The following PRIMPOL variants were observed in gnomAD, a reference collection of about 807,000 sequenced individuals.
PRIMPOL encodes DNA-directed primase/polymerase protein.
In PRIMPOL, 54 loss-of-function variants were observed where a neutral mutation model predicts 63.6. The observed-to-expected ratio is 0.85, with a 90% CI of 0.68 to 1.07. PRIMPOL has a LOEUF of 1.07. Ranked by LOEUF, PRIMPOL falls within the 50% of genes least tolerant of loss-of-function variation. The probability of loss-of-function intolerance (pLI) is 0.00; values close to 1 mark genes in which losing one functional copy is unlikely to be tolerated. For missense variants in PRIMPOL, 610 were observed against 648.3 expected (o/e 0.94, Z 0.64); for synonymous variants, 197 against 220.2 (o/e 0.89, Z 0.93).
chr4:184,679,206 C>G (rs1169646878), intron 8 of PRIMPOL, among the ~76,000 whole-genome samples: 1 of 152,082 alleles, frequency 6.6e-6, no homozygotes, highest in Non-Finnish European at 1.5e-5. Context: ...ACTTCTAATG[C>G]CTATGTAAAT....
chr4:184,694,756 A>C lies in PRIMPOL; in HGVS notation c.1660A>C (p.Ile554Leu), dbSNP rs777253761. The C allele has an allele frequency of 6.2e-7, 1 of 1,611,670 alleles. No homozygotes were observed. The highest frequency in any genetic ancestry group is 1.1e-5 in the South Asian group (1 of 91,040). The change falls in exon 14 of 14, where the codon ATT (isoleucine) becomes CTT (leucine). Residue 554 changes from isoleucine (I) to leucine (L), a missense_variant. This residue lies in a region of PRIMPOL where 444 missense variants were observed against 456.4 expected (regional missense o/e 0.97). Coordinates refer to ENST00000314970, the MANE Select transcript of PRIMPOL (RefSeq NM_152683.4). ...SEVDEIPDEL[I>L]IEVLQE ...AGTGGATGAAATTCCTGATGAACTA[A>C]TTATAGAAGTATTACAAGAGTAACT...
At chr4:184,675,818 AAAACAAACAAAC>A (rs533032193) in intron 7 of PRIMPOL, among the ~76,000 whole-genome samples, 1 of 152,158 alleles carries the variant, frequency 6.6e-6, no homozygotes, top group Non-Finnish European at 1.5e-5. Context: ...CTCAGTATCA[AAAACAAACAAAC>A]AAACAAACAA....
chr4:184,675,811 A>G (rs1200975991), intron 7 of PRIMPOL, among the ~76,000 whole-genome samples: 1 of 152,170 alleles, frequency 6.6e-6, no homozygotes, highest in East Asian at 1.9e-4. Context: ...AGTAAGACTC[A>G]GTATCAAAAA....
chr4:184,672,592 A>C, intron 7 of PRIMPOL, 132 bp downstream of exon 7: 1 of 848,626 alleles, frequency 1.2e-6, no homozygotes, highest in Non-Finnish European at 1.9e-6. Flanking sequence ...CGATGCAACC[A>C]GTGAGTTCAG....
chr4:184,656,780 T>TA lies in PRIMPOL; in HGVS notation c.-59-301dup, dbSNP rs59913094. ...TGTAATTTAGAGATTGCTTATGTCTTACCACATTTATCTTCAAGCTAAGTA... is the reference window on the plus strand; with the variant it reads ...TGTAATTTAGAGATTGCTTATGTCTTAACCACATTTATCTTCAAGCTAAGTA... On this transcript the variant is annotated intron_variant, in intron 2 of 13. Coordinates refer to ENST00000314970, the MANE Select transcript of PRIMPOL (RefSeq NM_152683.4). Among the ~76,000 whole-genome samples the TA allele has an allele frequency of 4.7e-3, 712 of 152,372 alleles. 6 individuals carry two copies. The highest frequency in any genetic ancestry group is 0.017 in the African/African-American group (688 of 41,586).
rs769289306 is a variant in PRIMPOL, at chr4:184,657,156, G to A, written c.16G>A (p.Glu6Lys). Residue 6 changes from glutamate (E) to lysine (K), a missense_variant, in exon 3 of 14, where the codon GAA (glutamate) becomes AAA (lysine). Physicochemically the swap from Glu to Lys is moderately conservative, Grantham distance 56. Transcript: ENST00000314970. The stretch of plus-strand genomic sequence containing the variant: ...TTCTGAACCAATGAATAGAAAATGG[G>A]AAGCAAAACTGAAGCAAATTGAAGA... MNRKWEAKLKQIEERA... is the reference protein window; with the variant it reads MNRKWKAKLKQIEERA... 39 of 1,608,034 alleles carry A rather than the reference G, an allele frequency of 2.4e-5. No homozygotes were observed. The highest frequency in any genetic ancestry group is 3.1e-5 in the Non-Finnish European group (37 of 1,177,660).
chr4:184,689,706 G>C (rs568416060), intron 11 of PRIMPOL, among the ~76,000 whole-genome samples: 1 of 151,698 alleles, frequency 6.6e-6, no homozygotes, highest in African/African-American at 2.4e-5. Context: ...CACCCACCTC[G>C]GCCTCCCAAA....
chr4:184,692,329 C>T (rs896755464), intron 13 of PRIMPOL, among the ~76,000 whole-genome samples: 1 of 151,788 alleles, frequency 6.6e-6, no homozygotes, highest in Non-Finnish European at 1.5e-5. Flanking sequence ...CAAAAATTAG[C>T]CAGGTGTGGT....
chr4:184,654,275 CTAA>C (rs1413301787), intron 2 of PRIMPOL, among the ~76,000 whole-genome samples: 1 of 152,160 alleles, frequency 6.6e-6, no homozygotes, highest in African/African-American at 2.4e-5. Flanking sequence ...ATTTTCTTCA[CTAA>C]TAATCAATGG....
At chr4:184,678,991 A>G (rs988180272) in intron 8 of PRIMPOL, among the ~76,000 whole-genome samples, 4 of 151,466 alleles carry the variant, frequency 2.6e-5, no homozygotes, top group African/African-American at 9.7e-5. Context: ...TAAAGAAGAA[A>G]ACAATACTAC....
In PRIMPOL at chr4:184,680,060, G is replaced by C. The variant is rs138172353; in HGVS notation, c.1007+1666G>C. Reference sequence around the variant, plus strand: ...TCCAAGAATCTATCCATGGCCTTAAGTGAGGACTTAACTGTATTTGCCTTC... The same window carrying C: ...TCCAAGAATCTATCCATGGCCTTAACTGAGGACTTAACTGTATTTGCCTTC... On this transcript the variant is annotated intron_variant, in intron 8 of 13. Transcript: ENST00000314970. Among the ~76,000 whole-genome samples, 1,114 of 152,314 alleles carry C rather than the reference G, an allele frequency of 7.3e-3. 14 individuals carry two copies. Among genetic ancestry groups the C allele is most frequent in the African/African-American group, 0.026 (1,067 of 41,570 alleles).
Position 184,694,885 on chromosome 4 carries a change from C to A in PRIMPOL, c.*106C>A. 3 of 1,005,396 alleles carry A rather than the reference C, an allele frequency of 3.0e-6. No individual in the cohort carries two copies. The highest frequency in any genetic ancestry group is 4.3e-6 in the Non-Finnish European group (3 of 703,602). The allele number at this position is 1,005,396 out of a possible 1,614,324, so 62.3% of individuals were successfully genotyped here. The stretch of plus-strand genomic sequence containing the variant: ...TGTTTATATAAACTAAGTTTTATTA[C>A]TTTGCTTTCCAATTTTTGTTTTTTA... On this transcript the variant is annotated 3_prime_UTR_variant, in exon 14 of 14. Coordinates refer to ENST00000314970, the MANE Select transcript of PRIMPOL (RefSeq NM_152683.4).
intron 13 of PRIMPOL, among the ~76,000 whole-genome samples, chr4:184,692,824 C>T (rs966828107): frequency 6.6e-6 from 1 of 152,160 alleles, no homozygotes; most frequent in Non-Finnish European, 1.5e-5. Flanking sequence ...ATCTGGTAGG[C>T]AAAATGCAGT....
At position 184,685,668 on chromosome 4, in the gene PRIMPOL, A is replaced by T. The variant is rs761683681; in HGVS notation, c.1279A>T (p.Lys427Ter). The T allele has an allele frequency of 6.6e-7, 1 of 1,507,528 alleles. No homozygotes were observed. The highest frequency in any genetic ancestry group is 9.2e-7 in the Non-Finnish European group (1 of 1,084,860). The allele number at this position is 1,507,528 out of a possible 1,614,324, so 93.4% of individuals were successfully genotyped here. A position where few individuals can be genotyped will look rare whatever the true frequency, so the allele number is the denominator to read the frequency against. The change falls in exon 11 of 14, where the codon AAG (lysine) becomes TAG (stop). Residue 427 changes from lysine to a stop codon, truncating the protein, a stop_gained. Coordinates refer to ENST00000314970, the MANE Select transcript of PRIMPOL (RefSeq NM_152683.4). LOFTEE classifies it high-confidence loss of function. ...GTGTGAAAACATTGGAAGAGCCCAT[A>T]AGAGTAATAATATAATGTAAGTAAT... ...RWCENIGRAH[K>*]SNNIMILVDL...
Position 184,694,716 on chromosome 4 carries a change from C to A in PRIMPOL, c.1620C>A (p.Leu540=). 1 of 1,612,994 alleles carries A rather than the reference C, an allele frequency of 6.2e-7. No individual in the cohort carries two copies. The highest frequency in any genetic ancestry group is 1.1e-5 in the South Asian group (1 of 91,056). The change falls in exon 14 of 14, where the codon CTC becomes CTA. Residue 540 remains leucine (L), a synonymous_variant. Coordinates refer to ENST00000314970, the MANE Select transcript of PRIMPOL (RefSeq NM_152683.4). ...ELAEAAENSL[L]SYNSEVDEIP... is the part of the protein sequence containing the mutation. ...CTGAAGCTGCAGAGAACAGTCTTCT[C>A]AGTTATAACAGTGAAGTGGATGAAA...
intron 11 of PRIMPOL, among the ~76,000 whole-genome samples, chr4:184,687,035 G>A (rs897060034): frequency 2.0e-5 from 3 of 151,932 alleles, no homozygotes; most frequent in Non-Finnish European, 4.4e-5. Flanking sequence ...TTTTTTAACC[G>A]TGGAATATAT....
intron 8 of PRIMPOL, among the ~76,000 whole-genome samples, chr4:184,680,334 T>A (rs1484945917): frequency 2.0e-5 from 3 of 152,134 alleles, no homozygotes; most frequent in Non-Finnish European, 4.4e-5. Flanking sequence ...ACTACAGGTG[T>A]GTGCCACCAC....
chr4:184,692,749 A>G (rs1458728290), intron 13 of PRIMPOL, among the ~76,000 whole-genome samples: 1 of 152,104 alleles, frequency 6.6e-6, no homozygotes, highest in East Asian at 1.9e-4. Flanking sequence ...TCCACAGATA[A>G]TTTATGAGAG....
At chr4:184,671,826 T>C (rs1157484850) in intron 6 of PRIMPOL, among the ~76,000 whole-genome samples, 4 of 143,410 alleles carry the variant, frequency 2.8e-5, no homozygotes, top group Admixed American at 2.2e-4. Context: ...CACTGCAAGC[T>C]CCGCTTCCTG....
Sources: gnomAD v4.1 joint callset for allele counts (sites outside exome capture counted in the v4.1 genomes callset) on GRCh38, gnomAD v4.1.1 for gene constraint, gnomAD v4.1.1 regional missense constraint, MANE v1.5 for transcripts, NCBI Gene and HGNC (gene_info 2026-07-23, HGNC 2026-07-21) for gene names.